Variants in CPA4 observed in about 807,000 individuals in gnomAD.
CPA4 encodes the protein carboxypeptidase A3.
In CPA4, 49 loss-of-function variants were observed where a neutral mutation model predicts 54.7. That is an observed-to-expected ratio of 0.90 (90% CI 0.71 to 1.14). The LOEUF (loss-of-function observed/expected upper bound fraction) is 1.14. Ranked by LOEUF, CPA4 falls within the 50% of genes most tolerant of loss-of-function variation. The probability of loss-of-function intolerance (pLI) is 0.00; values close to 1 mark genes in which losing one functional copy is unlikely to be tolerated. For synonymous variants in CPA4, 215 were observed against 206.8 expected, an observed-to-expected ratio of 1.04 and a Z score of -0.34; for missense variants, 487 against 525.1, an observed-to-expected ratio of 0.93 and a Z score of 0.71.
Position 130,304,459 on chromosome 7 carries a change from T to A in CPA4, c.385-19T>A, listed in dbSNP as rs559176765. The A allele has an allele frequency of 6.9e-7, 1 of 1,450,750 alleles. No individual in the cohort carries two copies. The highest frequency in any genetic ancestry group is 1.1e-5 in the South Asian group (1 of 87,694). The allele number at this position is 1,450,750 out of a possible 1,614,324, so 89.9% of individuals were successfully genotyped here. On this transcript the variant is annotated intron_variant, in intron 4 of 10. Coordinates refer to ENST00000222482, the MANE Select transcript of CPA4 (RefSeq NM_016352.4). Reference sequence around the variant, plus strand: ...GCAGATTTTTAAAATGTCCCTGGATTCACTCTTTCATGCTTCAGATTTACC... The same window carrying A: ...GCAGATTTTTAAAATGTCCCTGGATACACTCTTTCATGCTTCAGATTTACC...
chr7:130,307,569 T>C (rs1029298654), intron 7 of CPA4, among the ~76,000 whole-genome samples: 2 of 148,906 alleles, frequency 1.3e-5, no homozygotes, highest in East Asian at 4.0e-4. Context: ...GAGGCGGAGC[T>C]TGCAGTGAGC....
At chr7:130,296,946 A>T (rs2117130764) in intron 1 of CPA4, among the ~76,000 whole-genome samples, 1 of 150,236 alleles carries the variant, frequency 6.7e-6, no homozygotes, top group African/African-American at 2.4e-5. Context: ...TTTTAAATTT[A>T]TTTATTTTTA....
chr7:130,322,405 C>A, intron 10 of CPA4, 84 bp from the exon 11 acceptor site: 2 of 1,154,254 alleles, frequency 1.7e-6, no homozygotes, highest in Non-Finnish European at 2.5e-6. Flanking sequence ...TTAAGGAACC[C>A]CAGGCAGGCA....
At chr7:130,316,353 A>AT (rs1437138107) in intron 10 of CPA4, among the ~76,000 whole-genome samples, 5 of 152,152 alleles carry the variant, frequency 3.3e-5, no homozygotes, top group Non-Finnish European at 7.3e-5. Flanking sequence ...CGCTGTATAA[A>AT]TTGTGTGTTT....
At chr7:130,312,828 T>A (rs1459325891) in intron 10 of CPA4, among the ~76,000 whole-genome samples, 1 of 152,090 alleles carries the variant, frequency 6.6e-6, no homozygotes, top group Non-Finnish European at 1.5e-5. Context: ...AGGCTCAGAA[T>A]GTTTCTGTGT....
At chr7:130,312,166 G>T (rs747430473) in intron 10 of CPA4, 44 bp downstream of exon 10, 1 of 1,420,056 alleles carries the variant, frequency 7.0e-7, no homozygotes, top group Non-Finnish European at 1.0e-6. Flanking sequence ...AGCACTTTGA[G>T]AGGAAACTTG....
At chr7:130,321,745 C>T (rs1332341248) in intron 10 of CPA4, among the ~76,000 whole-genome samples, 2 of 152,172 alleles carry the variant, frequency 1.3e-5, no homozygotes, top group Non-Finnish European at 2.9e-5. Flanking sequence ...ACCATCAGAT[C>T]TCATGAGACT....
chr7:130,293,811 A>G (rs528215811), intron 1 of CPA4, among the ~76,000 whole-genome samples: 2 of 152,256 alleles, frequency 1.3e-5, no homozygotes, highest in Admixed American at 1.3e-4. Context: ...TGGGACGTGG[A>G]GATTTCACAG....
intron 7 of CPA4, 136 bp from the exon 8 acceptor site, chr7:130,308,171 G>C: frequency 2.8e-6 from 2 of 712,806 alleles, no homozygotes; most frequent in Non-Finnish European, 5.1e-6. Flanking sequence ...ACTGCTCAAT[G>C]AGGACTAGGA....
chr7:130,300,558 T>A (rs1297851613), intron 3 of CPA4, among the ~76,000 whole-genome samples: 1 of 151,826 alleles, frequency 6.6e-6, no homozygotes, highest in Non-Finnish European at 1.5e-5. Flanking sequence ...ATGGTCTCGA[T>A]CTCCTGACCT....
chr7:130,319,999 C>CG (rs1018694613), intron 10 of CPA4, among the ~76,000 whole-genome samples: 8 of 152,020 alleles, frequency 5.3e-5, no homozygotes, highest in Admixed American at 2.6e-4. Context: ...GACCTTGGTT[C>CG]GGGGGCGGCT....
At chr7:130,317,057 T>A (rs1391653000) in intron 10 of CPA4, among the ~76,000 whole-genome samples, 1 of 152,154 alleles carries the variant, frequency 6.6e-6, no homozygotes, top group East Asian at 1.9e-4. Context: ...GAGCGCCTTA[T>A]GGCTGAGCAT....
At chr7:130,318,753 A>G (rs1368145126) in intron 10 of CPA4, among the ~76,000 whole-genome samples, 3 of 152,020 alleles carry the variant, frequency 2.0e-5, no homozygotes, top group African/African-American at 7.3e-5. Context: ...CATATTCTTT[A>G]TAGGCCTTGT....
chr7:130,301,401 A>G (rs1310368810), intron 4 of CPA4, among the ~76,000 whole-genome samples: 1 of 152,232 alleles, frequency 6.6e-6, no homozygotes, highest in Non-Finnish European at 1.5e-5. Context: ...ACCACTTGAT[A>G]TAGATGGCTG....
Position 130,298,031 on chromosome 7 carries a change from T to C in CPA4, c.69-715T>C, listed in dbSNP as rs559938922. ...CCGTCTGTGTCCTTTAAGGGTCCCC[T>C]CTCACCCCGTAGGGAGGAGTGGATC... On this transcript the variant is annotated intron_variant, in intron 1 of 10. Coordinates refer to ENST00000222482, the MANE Select transcript of CPA4 (RefSeq NM_016352.4). Among the ~76,000 whole-genome samples, 3 of 152,222 alleles carry C rather than the reference T, an allele frequency of 2.0e-5. No individual in the cohort carries two copies. In the East Asian group the frequency reaches 5.8e-4, roughly 29 times the overall value.
intron 10 of CPA4, among the ~76,000 whole-genome samples, chr7:130,317,713 T>C (rs745921899): frequency 5.3e-5 from 8 of 152,194 alleles, no homozygotes; most frequent in Non-Finnish European, 1.2e-4. Context: ...GCAATCTGTC[T>C]GTCTCAGCCT....
chr7:130,319,490 C>A (rs766523167), intron 10 of CPA4, among the ~76,000 whole-genome samples: 1 of 152,210 alleles, frequency 6.6e-6, no homozygotes, highest in African/African-American at 2.4e-5. Context: ...ATTGAAAAAT[C>A]AACTGACCAA....
At position 130,299,369 on chromosome 7, in the gene CPA4, G is replaced by T; in HGVS notation, c.250G>T (p.Gly84Cys). The change falls in exon 3 of 11, where the codon GGC becomes TGC. Residue 84 changes from glycine (G) to cysteine (C), a missense_variant. Physicochemically the swap from Gly to Cys is radical, Grantham distance 159. Transcript: ENST00000222482. The stretch of plus-strand genomic sequence containing the variant: ...ATTTAAATCCTTCCTGAGATCCCAG[G>T]GCTTAGAGTACGCAGTGACAATTGA... ...QAFKSFLRSQ[G>C]LEYAVTIEDL... 6.2e-7 allele frequency: 1 copy of T among 1,614,110 alleles called. No individual in the cohort carries two copies. Among genetic ancestry groups the T allele is most frequent in the South Asian group, 1.1e-5 (1 of 91,064 alleles).
At chr7:130,305,674 G>T in intron 5 of CPA4, 142 bp from the exon 6 acceptor site, 2 of 706,322 alleles carry the variant, frequency 2.8e-6, no homozygotes, top group Non-Finnish European at 4.9e-6. Context: ...GGATAAGCTC[G>T]ATAAATAGAT....
Sources: gnomAD v4.1 joint callset for allele counts (sites outside exome capture counted in the v4.1 genomes callset) on GRCh38, gnomAD v4.1.1 for gene constraint, MANE v1.5 for transcripts, NCBI Gene and HGNC (gene_info 2026-07-23, HGNC 2026-07-21) for gene names.